SCNM1: variants seen among roughly 807,000 people sequenced by gnomAD.
The protein encoded by SCNM1 is sodium channel modifier 1.
A neutral mutation model predicts 32.8 loss-of-function variants in SCNM1; 24 were observed. That is an observed-to-expected ratio of 0.73 (90% confidence interval 0.53 to 1.03). The LOEUF is 1.03. Among genes scored for constraint, SCNM1 ranks in the 50% least tolerant of loss-of-function variants. SCNM1 has a pLI of 0.00. For synonymous variants in SCNM1, 99 were observed against 103.2 expected (o/e 0.96, Z 0.25); for missense variants, 274 against 282.3 (o/e 0.97, Z 0.21).
rs1441658215 is a variant in SCNM1, at chr1:151,169,106, A to G, written c.*21A>G. ...ACTGATACCCTTTTCCCATTCATTC[A>G]CAAATAAATTACAATGGGTGCTGAG... On this transcript the variant is annotated 3_prime_UTR_variant, in exon 7 of 7. Transcript: ENST00000368905. 3.7e-6 allele frequency: 6 copies of G among 1,613,800 alleles called. No individual in the cohort carries two copies. The highest frequency in any genetic ancestry group is 5.1e-6 in the Non-Finnish European group (6 of 1,179,754).
In SCNM1 at chr1:151,168,186, A is replaced by G; in HGVS notation, c.441A>G (p.Pro147=). 2 of 1,613,984 alleles carry G rather than the reference A, an allele frequency of 1.2e-6. No homozygotes were observed. Among genetic ancestry groups the G allele is most frequent in the Non-Finnish European group, 1.7e-6 (2 of 1,179,986 alleles). ...CCTCTGTCTCCCTTTCCCCTATGCCACCCTCAGAGGTCAAACTCCAAAGTG... is the reference window on the plus strand; with the variant it reads ...CCTCTGTCTCCCTTTCCCCTATGCCGCCCTCAGAGGTCAAACTCCAAAGTG... ...PGPSVSLSPM[P]PSEVKLQSGK... Residue 147 remains proline (P), a synonymous_variant, in exon 6 of 7, where the codon CCA becomes CCG. Coordinates refer to ENST00000368905, the MANE Select transcript of SCNM1 (RefSeq NM_024041.4).
intron 5 of SCNM1, 72 bp from the exon 6 acceptor site, chr1:151,168,072 T>C: frequency 6.9e-7 from 1 of 1,443,006 alleles, no homozygotes; most frequent in Non-Finnish European, 9.3e-7. Context: ...AGCACTGTTT[T>C]AAGAGGTTGG....
At position 151,166,959 on chromosome 1, in the gene SCNM1, C is replaced by G; in HGVS notation, c.148C>G (p.Arg50Gly). ...CTTTGCTTGTGCCATCTGCCCCCAT[C>G]GACCGGTACTGGACACCCTGGCCAT... Reference protein sequence around the residue: ...GRFACAICPHRPVLDTLAMLT... With the variant: ...GRFACAICPHGPVLDTLAMLT... Residue 50 changes from arginine (R) to glycine (G), a missense_variant, in exon 3 of 7, where the codon CGA (arginine) becomes GGA (glycine). Coordinates refer to ENST00000368905, the MANE Select transcript of SCNM1 (RefSeq NM_024041.4). 2 of 1,614,086 alleles carry G rather than the reference C, an allele frequency of 1.2e-6. No homozygotes were observed. Among genetic ancestry groups the G allele is most frequent in the Non-Finnish European group, 1.7e-6 (2 of 1,180,028 alleles).
rs1371509142 is a variant in SCNM1, at chr1:151,169,858, C to G, written c.*773C>G. The G allele has an allele frequency of 8.9e-6, 5 of 564,686 alleles. No individual in the cohort carries two copies. Among genetic ancestry groups the G allele is most frequent in the Admixed American group, 6.4e-5 (2 of 31,264 alleles). 35.0% of individuals were successfully genotyped at this position (564,686 alleles called of 1,614,324 possible). ...AAGGGAGGGAACACCCCCACCTCCT[C>G]CTAGTAACCTGAACCTCCCTGCCTG... On this transcript the variant is annotated 3_prime_UTR_variant, in exon 7 of 7. Coordinates refer to ENST00000368905, the MANE Select transcript of SCNM1 (RefSeq NM_024041.4).
intron 6 of SCNM1, among the ~76,000 whole-genome samples, chr1:151,168,570 G>A (rs1469206393): frequency 2.0e-5 from 3 of 146,378 alleles, no homozygotes; most frequent in Admixed American, 1.4e-4. Flanking sequence ...CATCACGCCC[G>A]GCTAATTTTG....
Position 151,168,240 on chromosome 1 carries a change from G to A in SCNM1, c.495G>A (p.Ala165=), listed in dbSNP as rs762355784. The A allele has an allele frequency of 5.0e-6, 8 of 1,613,994 alleles. No individual in the cohort carries two copies. The highest frequency in any genetic ancestry group is 2.2e-5 in the East Asian group (1 of 44,894). Residue 165 remains alanine, a synonymous_variant, in exon 6 of 7, where the codon GCG becomes GCA. Transcript: ENST00000368905. ...SGKISREPEP[A]AGPQAEESAT... ...AGATCAGTAGGGAACCTGAACCTGC[G>A]GCTGGCCCACAGGCCGAGGAGTCAG...
At chr1:151,167,043 G>T (rs587691221) in intron 3 of SCNM1, 21 bp downstream of exon 3, 4 of 1,614,134 alleles carry the variant, frequency 2.5e-6, no homozygotes, top group East Asian at 2.2e-5. Flanking sequence ...GGGAAGACGG[G>T]ATGGGGAATA....
At chr1:151,167,447 T>G in intron 5 of SCNM1, 33 bp downstream of exon 5, 1 of 1,612,900 alleles carries the variant, frequency 6.2e-7, no homozygotes, top group Non-Finnish European at 8.5e-7. Flanking sequence ...GTAGGAAGGC[T>G]CAGAAGGAGA....
chr1:151,168,790 CTTT>C (rs147127258), intron 6 of SCNM1, among the ~76,000 whole-genome samples, 193 bp from the exon 7 acceptor site: 171 of 40,362 alleles, frequency 4.2e-3, no homozygotes, highest in Middle Eastern at 0.017. Flanking sequence ...TCACTGCTAA[CTTT>C]TTTTTTTTTT....
At position 151,166,409 on chromosome 1, in the gene SCNM1, A is replaced by G. The variant is rs1351487451; in HGVS notation, c.52-62A>G. On this transcript the variant is annotated intron_variant, in intron 1 of 6. Coordinates refer to ENST00000368905, the MANE Select transcript of SCNM1 (RefSeq NM_024041.4). ...TTTCACTCCTCATTTCTATAATTTC[A>G]CTTCCACCCCTCTCTCCTATCCCGC... 1.9e-6 allele frequency: 3 copies of G among 1,604,262 alleles called. No individual in the cohort carries two copies. The East Asian group carries it at 6.7e-5, about 36-fold the overall frequency.
Position 151,166,463 on chromosome 1 carries a change from C to A in SCNM1, c.52-8C>A. ...TCCCGTCCGGATTTCTTCCCCTACT[C>A]CCTGCAGAAAAGAAGAGTCGGGGAC... is the stretch of plus-strand genomic sequence containing the variant. On this transcript the variant is annotated splice_region_variant and splice_polypyrimidine_tract_variant and intron_variant, in intron 1 of 6. Transcript: ENST00000368905. 1.2e-6 allele frequency: 2 copies of A among 1,614,022 alleles called. No individual in the cohort carries two copies. Among genetic ancestry groups the A allele is most frequent in the Non-Finnish European group, 1.7e-6 (2 of 1,179,988 alleles).
chr1:151,169,213 C>A lies in SCNM1; in HGVS notation c.*128C>A. 1.5e-5 allele frequency: 15 copies of A among 969,152 alleles called. No individual in the cohort carries two copies. Among genetic ancestry groups the A allele is most frequent in the Non-Finnish European group, 2.2e-5 (14 of 650,486 alleles). The allele number at this position is 969,152 out of a possible 1,614,324, so 60.0% of individuals were successfully genotyped here. On this transcript the variant is annotated 3_prime_UTR_variant, in exon 7 of 7. Transcript: ENST00000368905. The stretch of plus-strand genomic sequence containing the variant: ...CATTCTCATTCCAACTACTCCTTGC[C>A]TGCAAGGTACACAGCTCTCCACACT...
chr1:151,169,090 C>T lies in SCNM1; in HGVS notation c.*5C>T, dbSNP rs1355897705. The T allele has an allele frequency of 1.2e-6, 2 of 1,614,028 alleles. No individual in the cohort carries two copies. The highest frequency in any genetic ancestry group is 1.3e-5 in the African/African-American group (1 of 74,998). On this transcript the variant is annotated 3_prime_UTR_variant, in exon 7 of 7. Coordinates refer to ENST00000368905, the MANE Select transcript of SCNM1 (RefSeq NM_024041.4). ...CCTGATCTCCCCTTGGACTGATACC[C>T]TTTTCCCATTCATTCACAAATAAAT...
At chr1:151,167,919 G>A in intron 5 of SCNM1, 1 of 451,402 alleles carries the variant, frequency 2.2e-6, no homozygotes, top group Non-Finnish European at 3.8e-6. Context: ...AATTCTACTT[G>A]AAGAATAACA....
At position 151,167,423 on chromosome 1, in the gene SCNM1, C is replaced by T. The variant is rs769692188; in HGVS notation, c.398+9C>T. The T allele has an allele frequency of 1.3e-5, 21 of 1,613,964 alleles. No homozygotes were observed. Among genetic ancestry groups the T allele is most frequent in the Admixed American group, 8.3e-5 (5 of 59,986 alleles). On this transcript the variant is annotated intron_variant, in intron 5 of 6. Coordinates refer to ENST00000368905, the MANE Select transcript of SCNM1 (RefSeq NM_024041.4). ...TGCCGCCGGAAGTACAGGTATGGGA[C>T]GGGAAAGCCAGAGGTAGGAAGGCTC...
chr1:151,167,998 A>G (rs1462044044), intron 5 of SCNM1, 146 bp from the exon 6 acceptor site: 1 of 959,080 alleles, frequency 1.0e-6, no homozygotes, highest in Non-Finnish European at 1.5e-6. Flanking sequence ...CCTTTCCCAA[A>G]TTCATGATTC....
At chr1:151,166,810 T>G (rs932112784) in intron 2 of SCNM1, 124 bp from the exon 3 acceptor site, 2 of 1,428,526 alleles carry the variant, frequency 1.4e-6, no homozygotes, top group African/African-American at 2.8e-5. Flanking sequence ...CTGGAAGAAG[T>G]GGAGATTGGG....
intron 5 of SCNM1, 29 bp from the exon 6 acceptor site, chr1:151,168,115 G>A: frequency 6.4e-7 from 1 of 1,569,916 alleles, no homozygotes. Flanking sequence ...TTCCCTTACT[G>A]CTTTTACAGA....
chr1:151,168,402 A>C, intron 6 of SCNM1, 64 bp downstream of exon 6: 1 of 1,451,260 alleles, frequency 6.9e-7, no homozygotes, highest in East Asian at 2.5e-5. Flanking sequence ...TTTCAAAGCT[A>C]TTGTTTTTCC....
Sources: allele counts gnomAD v4.1 joint callset (sites outside exome capture counted in the v4.1 genomes callset), GRCh38; gene constraint gnomAD v4.1.1; transcripts MANE v1.5; gene names NCBI Gene and HGNC (gene_info 2026-07-23, HGNC 2026-07-21).